Variants in C2orf80 observed in about 807,000 individuals in gnomAD.
C2orf80 encodes uncharacterized protein C2orf80.
In C2orf80, 28 loss-of-function variants were observed where a neutral mutation model predicts 30.2. The ratio of observed to expected loss-of-function variants is 0.93; its 90% CI spans 0.69 to 1.27. C2orf80 has a LOEUF of 1.27. C2orf80 is among the 50% of genes most tolerant of loss of function. The pLI, the probability that C2orf80 is intolerant of heterozygous loss-of-function variation, is 0.00. For missense variants in C2orf80, 220 were observed against 231.0 expected (o/e 0.95, Z 0.31); for synonymous variants, 80 against 76.4 (o/e 1.05, Z -0.24).
At position 208,189,989 on chromosome 2, in the gene C2orf80, C is replaced by G. The variant is rs1455182559; in HGVS notation, c.-112G>C. 1 of 702,900 alleles carries G rather than the reference C, an allele frequency of 1.4e-6. No homozygotes were observed. The highest frequency in any genetic ancestry group is 2.6e-6 in the Non-Finnish European group (1 of 385,016). 43.5% of individuals were successfully genotyped at this position (702,900 alleles called of 1,614,324 possible). On this transcript the variant is annotated 5_prime_UTR_variant, in exon 1 of 9. Transcript: ENST00000341287. Reference sequence around the variant, plus strand: ...CGGTTCCAGTGCTTTTGTTCTTTCTCTGCTTCTGGAGGCATGCTGAAGCAT... The same window carrying G: ...CGGTTCCAGTGCTTTTGTTCTTTCTGTGCTTCTGGAGGCATGCTGAAGCAT...
At chr2:208,174,321 A>G (rs1483331316) in intron 6 of C2orf80, among the ~76,000 whole-genome samples, 1 of 152,108 alleles carries the variant, frequency 6.6e-6, no homozygotes, top group African/African-American at 2.4e-5. Context: ...TCATGAAAAC[A>G]TTTTAAAATT....
At chr2:208,189,801 G>A in intron 1 of C2orf80, 152 bp downstream of exon 1, 2 of 639,226 alleles carry the variant, frequency 3.1e-6, no homozygotes, top group East Asian at 5.7e-5. Context: ...AGAAGTCAGA[G>A]CCCCCAAATT....
At chr2:208,175,186 T>C (rs908898348) in intron 6 of C2orf80, among the ~76,000 whole-genome samples, 2 of 117,940 alleles carry the variant, frequency 1.7e-5, no homozygotes, top group Non-Finnish European at 3.4e-5. Flanking sequence ...CTCGGGAGGC[T>C]GAGGCGAGAG....
At chr2:208,182,093 G>T (rs1371718552) in intron 4 of C2orf80, among the ~76,000 whole-genome samples, 1 of 152,158 alleles carries the variant, frequency 6.6e-6, no homozygotes, top group Non-Finnish European at 1.5e-5. Flanking sequence ...GATCAGGTGT[G>T]TAGTCCAGAG....
chr2:208,166,366 C>T (rs978642334), intron 8 of C2orf80, among the ~76,000 whole-genome samples: 5 of 152,048 alleles, frequency 3.3e-5, no homozygotes, highest in African/African-American at 1.2e-4. Flanking sequence ...AAAAGGAATA[C>T]GTGGGTTCTT....
At chr2:208,177,339 C>T (rs1487251764) in intron 6 of C2orf80, among the ~76,000 whole-genome samples, 4 of 151,654 alleles carry the variant, frequency 2.6e-5, no homozygotes, top group Admixed American at 2.6e-4. Flanking sequence ...ATCAGGAGTT[C>T]GAGAACAGCC....
chr2:208,175,368 T>C (rs1003231686), intron 6 of C2orf80, among the ~76,000 whole-genome samples: 19 of 152,124 alleles, frequency 1.2e-4, no homozygotes, highest in African/African-American at 4.6e-4. Flanking sequence ...CGTAAGGTCT[T>C]TAGTTGAATT....
intron 6 of C2orf80, among the ~76,000 whole-genome samples, chr2:208,175,804 T>C (rs1206281796): frequency 1.3e-5 from 2 of 152,108 alleles, no homozygotes; most frequent in Non-Finnish European, 2.9e-5. Context: ...AAAAGACTCT[T>C]TTAAAATAGG....
At chr2:208,174,798 G>A (rs1696225220) in intron 6 of C2orf80, among the ~76,000 whole-genome samples, 2 of 152,234 alleles carry the variant, frequency 1.3e-5, no homozygotes, top group Admixed American at 1.3e-4. Context: ...CCGGCTGCAT[G>A]AAGAAAGAAG....
intron 6 of C2orf80, among the ~76,000 whole-genome samples, chr2:208,172,618 A>G (rs1244914154): frequency 6.6e-6 from 1 of 152,208 alleles, no homozygotes; most frequent in Non-Finnish European, 1.5e-5. Context: ...AAATACCATA[A>G]TACACTTAAC....
intron 5 of C2orf80, 35 bp from the exon 6 acceptor site, chr2:208,180,851 C>A (rs770224709): frequency 3.2e-6 from 5 of 1,551,880 alleles, no homozygotes; most frequent in Admixed American, 3.5e-5. Context: ...AAAGTATGAT[C>A]ATACCATGGC....
At chr2:208,189,160 G>T (rs1301425362) in intron 1 of C2orf80, among the ~76,000 whole-genome samples, 1 of 152,178 alleles carries the variant, frequency 6.6e-6, no homozygotes, top group African/African-American at 2.4e-5. Context: ...TAGACTATTT[G>T]GCCTATCTCA....
At chr2:208,185,103 T>TG in intron 2 of C2orf80, 71 bp from the exon 3 acceptor site, 1 of 1,134,754 alleles carries the variant, frequency 8.8e-7, no homozygotes, top group Non-Finnish European at 1.3e-6. Context: ...AGGCTTTTTT[T>TG]TTTCCCATCC....
chr2:208,169,674 T>C (rs1175215457), intron 8 of C2orf80, among the ~76,000 whole-genome samples: 3 of 145,922 alleles, frequency 2.1e-5, no homozygotes, highest in South Asian at 2.1e-4. Flanking sequence ...GATTGTGCCA[T>C]TGCACTCGAG....
Position 208,176,926 on chromosome 2 carries a change from C to CGT in C2orf80, c.366+3818_366+3819insAC, listed in dbSNP as rs1559340288. On this transcript the variant is annotated intron_variant, in intron 6 of 8. Coordinates refer to ENST00000341287, the MANE Select transcript of C2orf80 (RefSeq NM_001099334.3). ...ATATCTGTGTATACATATCTGTATACATATGTATACATATCTGTATACATA... is the reference window on the plus strand; with the variant it reads ...ATATCTGTGTATACATATCTGTATACGTATATGTATACATATCTGTATACATA... Among the ~76,000 whole-genome samples, 317 of 80,194 alleles carry CGT rather than the reference C, an allele frequency of 4.0e-3. 42 individuals carry two copies. Among genetic ancestry groups the CGT allele is most frequent in the African/African-American group, 0.013 (303 of 23,780 alleles). 52.6% of individuals were successfully genotyped at this position (80,194 alleles called of 152,430 possible).
chr2:208,174,594 G>A (rs1696217617), intron 6 of C2orf80, among the ~76,000 whole-genome samples: 2 of 152,198 alleles, frequency 1.3e-5, no homozygotes, highest in Admixed American at 1.3e-4. Context: ...TTGGGTAAGT[G>A]TAATCATGCC....
intron 1 of C2orf80, among the ~76,000 whole-genome samples, chr2:208,189,004 G>C (rs949068403): frequency 6.6e-6 from 1 of 152,176 alleles, no homozygotes; most frequent in Non-Finnish European, 1.5e-5. Context: ...TGCGTCTTCT[G>C]CTTCCCAGCC....
chr2:208,179,508 C>CT (rs1696480558), intron 6 of C2orf80, among the ~76,000 whole-genome samples: 1 of 152,172 alleles, frequency 6.6e-6, no homozygotes, highest in Non-Finnish European at 1.5e-5. Flanking sequence ...ACGTTGGTGC[C>CT]CCCCTTCCCC....
chr2:208,176,974 T>TACATATGTATAC (rs1696360820), intron 6 of C2orf80, among the ~76,000 whole-genome samples: 1 of 76,364 alleles, frequency 1.3e-5, no homozygotes, highest in Non-Finnish European at 3.0e-5. Flanking sequence ...TGTATACATA[T>TACATATGTATAC]ATACAGAAAT....
Sources: allele counts gnomAD v4.1 joint callset (sites outside exome capture counted in the v4.1 genomes callset), GRCh38; gene constraint gnomAD v4.1.1; transcripts MANE v1.5; gene names NCBI Gene and HGNC (gene_info 2026-07-23, HGNC 2026-07-21).